Variants in PPP1R36 observed in about 807,000 individuals in gnomAD.
PPP1R36 encodes the protein protein phosphatase 1 regulatory subunit 36.
PPP1R36 carries 47 observed loss-of-function variants against 53.4 expected under a neutral mutation model. That is an observed-to-expected ratio of 0.88 (90% CI 0.70 to 1.12). The LOEUF (loss-of-function observed/expected upper bound fraction) is 1.12, where lower values mean the gene tolerates loss of function less well. Among genes scored for constraint, PPP1R36 ranks in the 50% most tolerant of loss-of-function variants. PPP1R36 has a pLI of 0.00. For synonymous variants in PPP1R36, 153 were observed against 170.5 expected (o/e 0.90, Z 0.80); for missense variants, 456 against 513.9 (o/e 0.89, Z 1.09).
chr14:64,566,787 C>CA (rs1430115949), intron 6 of PPP1R36, among the ~76,000 whole-genome samples: 1 of 152,200 alleles, frequency 6.6e-6, no homozygotes, highest in African/African-American at 2.4e-5. Context: ...CCACCACAGG[C>CA]ACACACTCAG....
In PPP1R36 at chr14:64,588,259, A is replaced by G. The variant is rs766992192; in HGVS notation, c.1046A>G (p.Lys349Arg). 6.2e-7 allele frequency: 1 copy of G among 1,613,746 alleles called. No homozygotes were observed. The highest frequency in any genetic ancestry group is 1.7e-5 in the Admixed American group (1 of 59,998). The change falls in exon 11 of 12, where the codon AAG becomes AGG. Residue 349 changes from lysine (K) to arginine (R), a missense_variant. Physicochemically the swap from Lys to Arg is conservative, Grantham distance 26. Coordinates refer to ENST00000298705, the MANE Select transcript of PPP1R36 (RefSeq NM_172365.3). ...GTCAGATTCCCAGCCGAGATGCAAAAGCATGTGGGAACTCTGGACTCTGTG... is the reference window on the plus strand; with the variant it reads ...GTCAGATTCCCAGCCGAGATGCAAAGGCATGTGGGAACTCTGGACTCTGTG... ...VDVRFPAEMQ[K>R]HVGTLDSVPM...
At chr14:64,566,088 T>C (rs2080252462) in intron 6 of PPP1R36, among the ~76,000 whole-genome samples, 1 of 152,142 alleles carries the variant, frequency 6.6e-6, no homozygotes, top group South Asian at 2.1e-4. Flanking sequence ...GCCAACGTGG[T>C]GAAACCCCGT....
At chr14:64,566,154 G>A (rs908131775) in intron 6 of PPP1R36, among the ~76,000 whole-genome samples, 2 of 152,146 alleles carry the variant, frequency 1.3e-5, no homozygotes, top group African/African-American at 4.8e-5. Context: ...TGTAATCCCA[G>A]CTACTTGGGA....
At chr14:64,557,834 C>A (rs2080169048) in intron 3 of PPP1R36, among the ~76,000 whole-genome samples, 1 of 152,034 alleles carries the variant, frequency 6.6e-6, no homozygotes, top group South Asian at 2.1e-4. Flanking sequence ...GATGGTAAAA[C>A]CCCGTCTCTA....
chr14:64,569,510 G>C (rs1490748635), intron 7 of PPP1R36, among the ~76,000 whole-genome samples: 1 of 152,082 alleles, frequency 6.6e-6, no homozygotes, highest in Non-Finnish European at 1.5e-5. Flanking sequence ...GTGTTATTTT[G>C]GGACTGTATT....
In PPP1R36 at chr14:64,574,554, G is replaced by C. The variant is rs1212874560; in HGVS notation, c.633G>C (p.Leu211Phe). 4 of 1,613,880 alleles carry C rather than the reference G, an allele frequency of 2.5e-6. No homozygotes were observed. The highest frequency in any genetic ancestry group is 3.3e-5 in the Admixed American group (2 of 59,956). ...AGTACTGTATCCTTGTGCTGGGCTT[G>C]GCCGTGCCGGATAAGCATCACATGT... is the stretch of plus-strand genomic sequence containing the variant. ...AQKYCILVLG[L>F]AVPDKHHMCC... The change falls in exon 8 of 12, where the codon TTG becomes TTC. Residue 211 changes from leucine to phenylalanine, a missense_variant. Transcript: ENST00000298705.
At chr14:64,558,302 G>A (rs938075863) in intron 3 of PPP1R36, among the ~76,000 whole-genome samples, 1 of 152,114 alleles carries the variant, frequency 6.6e-6, no homozygotes, top group Non-Finnish European at 1.5e-5. Flanking sequence ...TACTCAGCTG[G>A]GTGTGGTGGC....
rs774337492 is a variant in PPP1R36 at position 64,565,372 on chromosome 14, A to G, written c.285A>G (p.Arg95=). 4.3e-6 allele frequency: 7 copies of G among 1,612,340 alleles called. No individual in the cohort carries two copies. Among genetic ancestry groups the G allele is most frequent in the Non-Finnish European group, 5.9e-6 (7 of 1,178,904 alleles). ...GPASDRLTDK[R]LAAKDDKSAK... ...TCCAAAACAGGTTGACAGATAAAAG[A>G]CTTGCTGCAAAAGATGATAAGTCAG... Residue 95 remains arginine (R), a synonymous_variant, in exon 5 of 12, where the codon AGA becomes AGG. Coordinates refer to ENST00000298705, the MANE Select transcript of PPP1R36 (RefSeq NM_172365.3).
At chr14:64,559,687 A>T (rs988051642) in intron 3 of PPP1R36, among the ~76,000 whole-genome samples, 3 of 152,248 alleles carry the variant, frequency 2.0e-5, no homozygotes, top group Admixed American at 1.3e-4. Context: ...ATATGGTCCC[A>T]GACAAAGTAG....
intron 8 of PPP1R36, among the ~76,000 whole-genome samples, chr14:64,580,176 C>G (rs1279224384): frequency 6.6e-6 from 1 of 152,014 alleles, no homozygotes; most frequent in East Asian, 1.9e-4. Flanking sequence ...TGGTGCATGC[C>G]TGTAGTTCCA....
chr14:64,588,546 G>T, intron 11 of PPP1R36: 1 of 328,224 alleles, frequency 3.0e-6, no homozygotes, highest in Non-Finnish European at 5.4e-6. Flanking sequence ...TTGGAGGAGT[G>T]AGTAACTGAT....
At chr14:64,554,877 G>A (rs1447385989) in intron 3 of PPP1R36, among the ~76,000 whole-genome samples, 1 of 151,972 alleles carries the variant, frequency 6.6e-6, no homozygotes, top group Admixed American at 6.6e-5. Context: ...TTTTTTAAAC[G>A]CATACTATTC....
intron 8 of PPP1R36, among the ~76,000 whole-genome samples, chr14:64,578,648 A>G (rs1439672190): frequency 6.6e-6 from 1 of 152,250 alleles, no homozygotes; most frequent in African/African-American, 2.4e-5. Context: ...GAACGCTTAT[A>G]CACTGTTGGT....
At chr14:64,551,452 TTAC>T (rs1423601836) in intron 2 of PPP1R36, among the ~76,000 whole-genome samples, 2 of 152,162 alleles carry the variant, frequency 1.3e-5, no homozygotes, top group Non-Finnish European at 2.9e-5. Context: ...CAAGGTAAAA[TTAC>T]TAAATTAGAA....
rs1202418951 is a variant in PPP1R36, at chr14:64,549,962, T to C, written c.-36T>C. On this transcript the variant is annotated 5_prime_UTR_variant, in exon 1 of 12. Coordinates refer to ENST00000298705, the MANE Select transcript of PPP1R36 (RefSeq NM_172365.3). Reference sequence around the variant, plus strand: ...CGTGTGCAGGCGCCTGCGGGCGGTATCCTCGGCGACGCCGTATGGCTTCCA... The same window carrying C: ...CGTGTGCAGGCGCCTGCGGGCGGTACCCTCGGCGACGCCGTATGGCTTCCA... 2 of 1,537,188 alleles carry C rather than the reference T, an allele frequency of 1.3e-6. No homozygotes were observed. The highest frequency in any genetic ancestry group is 1.8e-6 in the Non-Finnish European group (2 of 1,135,292).
At chr14:64,568,581 G>T in intron 7 of PPP1R36, 134 bp downstream of exon 7, 1 of 448,130 alleles carries the variant, frequency 2.2e-6, no homozygotes, top group Non-Finnish European at 3.9e-6. Context: ...TGGGAAGAGT[G>T]TGTCAGTTTT....
chr14:64,587,969 C>A, intron 10 of PPP1R36, 135 bp from the exon 11 acceptor site: 1 of 831,198 alleles, frequency 1.2e-6, no homozygotes, highest in South Asian at 2.1e-5. Flanking sequence ...GTCTCGAACT[C>A]CTGGGCTCAA....
chr14:64,567,881 T>G (rs8020501), intron 6 of PPP1R36, among the ~76,000 whole-genome samples: 4,196 of 152,192 alleles, frequency 0.028, 182 homozygotes, highest in African/African-American at 0.095. Context: ...CTCGAACTCC[T>G]GACATCAAGT....
chr14:64,568,173 A>G (rs944810459), intron 6 of PPP1R36, among the ~76,000 whole-genome samples, 176 bp from the exon 7 acceptor site: 1 of 152,194 alleles, frequency 6.6e-6, no homozygotes, highest in Non-Finnish European at 1.5e-5. Flanking sequence ...GATTTCTTAA[A>G]TTTTTAAATA....
Sources: allele counts gnomAD v4.1 joint callset (sites outside exome capture counted in the v4.1 genomes callset), GRCh38; gene constraint gnomAD v4.1.1; transcripts MANE v1.5; gene names NCBI Gene and HGNC (gene_info 2026-07-23, HGNC 2026-07-21).